ETV6: variants seen among roughly 807,000 people sequenced by gnomAD.
ETV6 encodes ETS variant transcription factor 6.
Under a neutral mutation model 51.1 loss-of-function variants are expected in ETV6, and 16 were observed. The ratio of observed to expected loss-of-function variants is 0.31; its 90% confidence interval spans 0.21 to 0.48. The LOEUF (loss-of-function observed/expected upper bound fraction) is 0.48. Ranked by LOEUF, ETV6 falls within the 20% of genes least tolerant of loss-of-function variation. The pLI is 0.99. For synonymous variants in ETV6, 240 were observed against 224.1 expected (o/e 1.07, Z -0.64); for missense variants, 458 against 594.8 (o/e 0.77, Z 2.39).
At chr12:11,885,644 G>T (rs184813850) in intron 6 of ETV6, among the ~76,000 whole-genome samples, 2 of 152,224 alleles carry the variant, frequency 1.3e-5, no homozygotes, top group South Asian at 2.1e-4. Context: ...GGAAATAAGC[G>T]AGGCTGCTAT....
chr12:11,869,428 C>T lies in ETV6; in HGVS notation c.468C>T (p.Asn156=). ...VILHQNHEED[N]CVQRTPRPSV... is the part of the protein sequence containing the mutation. ...GTCTTTCCCTCTGCTCCACAGATAA[C>T]TGTGTCCAGAGGACCCCCAGGCCAT... The change falls in exon 5 of 8, where the codon AAC becomes AAT. Residue 156 remains asparagine (N), a synonymous_variant. Coordinates refer to ENST00000396373, the MANE Select transcript of ETV6 (RefSeq NM_001987.5). The surrounding 1 kb of genome is among the most constrained non-coding windows in gnomAD (Gnocchi z 5.0). The T allele has an allele frequency of 6.2e-7, 1 of 1,605,828 alleles. No individual in the cohort carries two copies. Among genetic ancestry groups the T allele is most frequent in the Non-Finnish European group, 8.5e-7 (1 of 1,175,392 alleles).
At chr12:11,754,745 C>T (rs531029400) in intron 2 of ETV6, among the ~76,000 whole-genome samples, 9 of 152,306 alleles carry the variant, frequency 5.9e-5, no homozygotes, top group African/African-American at 1.2e-4. Flanking sequence ...CTTATTGAGC[C>T]GTGTCTGTGC....
At chr12:11,794,801 G>A (rs935765333) in intron 2 of ETV6, among the ~76,000 whole-genome samples, 3 of 152,180 alleles carry the variant, frequency 2.0e-5, no homozygotes, top group African/African-American at 7.2e-5. Context: ...ATCATTCCAT[G>A]CAGACATCAA....
At chr12:11,833,082 AT>A (rs1946267154) in intron 2 of ETV6, among the ~76,000 whole-genome samples, 1 of 152,252 alleles carries the variant, frequency 6.6e-6, no homozygotes, top group South Asian at 2.1e-4. Context: ...ATCAATTAAT[AT>A]ACATTCTTAC....
At chr12:11,884,006 C>T (rs1947147589) in intron 5 of ETV6, among the ~76,000 whole-genome samples, 1 of 152,186 alleles carries the variant, frequency 6.6e-6, no homozygotes. Context: ...CCTTTTCACT[C>T]CACTATTTTT....
intron 2 of ETV6, chr12:11,769,021 G>A (rs1945203381): frequency 6.7e-6 from 3 of 447,126 alleles, no homozygotes; most frequent in Admixed American, 2.5e-5. Context: ...AGATAAGCAA[G>A]GAAGGAACTC....
At chr12:11,872,494 C>CTTTTTTTTTTTTTTTTTTTTTTTTT (rs10528272) in intron 5 of ETV6, among the ~76,000 whole-genome samples, 1 of 142,652 alleles carries the variant, frequency 7.0e-6, no homozygotes, top group Non-Finnish European at 1.5e-5. Flanking sequence ...AATTATATTA[C>CTTTTTTTTTTTTTTTTTTTTTTTTT]TTTTTTTTTT....
chr12:11,659,768 C>G (rs7308701), intron 1 of ETV6, among the ~76,000 whole-genome samples: 3,508 of 152,254 alleles, frequency 0.023, 139 homozygotes, highest in African/African-American at 0.079. Context: ...AGTACTTTCT[C>G]TTGTTTCCCT....
At chr12:11,703,947 A>G (rs2120850423) in intron 1 of ETV6, among the ~76,000 whole-genome samples, 1 of 152,344 alleles carries the variant, frequency 6.6e-6, no homozygotes. Flanking sequence ...TATTTCTAAT[A>G]TTTTGAAAAT....
At chr12:11,715,943 G>A (rs1202254467) in intron 1 of ETV6, among the ~76,000 whole-genome samples, 2 of 152,190 alleles carry the variant, frequency 1.3e-5, no homozygotes, top group South Asian at 2.1e-4. Context: ...GCCAAGAGAA[G>A]AACAGCGTCT....
chr12:11,849,001 A>G (rs1391524260), intron 3 of ETV6, among the ~76,000 whole-genome samples: 1 of 152,222 alleles, frequency 6.6e-6, no homozygotes, highest in African/African-American at 2.4e-5. Flanking sequence ...AATTTCAGCC[A>G]TTAGCTAAGT....
In ETV6 at chr12:11,892,330, G is replaced by T. The variant is rs1062298; in HGVS notation, c.*1284G>T. 90,092 of 230,474 alleles carry T rather than the reference G, an allele frequency of 0.39. 19,052 individuals are homozygous for T. The highest frequency in any genetic ancestry group is 0.51 in the Admixed American group (9,049 of 17,622). The allele number at this position is 230,474 out of a possible 1,614,324, so 14.3% of individuals were successfully genotyped here. A position where few individuals can be genotyped will look rare whatever the true frequency, so the allele number is the denominator to read the frequency against. On this transcript the variant is annotated 3_prime_UTR_variant, in exon 8 of 8. Coordinates refer to ENST00000396373, the MANE Select transcript of ETV6 (RefSeq NM_001987.5). ...GGGCAGTCTCAGTTGCAATCAGTGTGTGCCCAGCCTGGGCAGACAGGAAAT... is the reference window on the plus strand; with the variant it reads ...GGGCAGTCTCAGTTGCAATCAGTGTTTGCCCAGCCTGGGCAGACAGGAAAT...
intron 1 of ETV6, among the ~76,000 whole-genome samples, chr12:11,714,594 A>G (rs755085207): frequency 3.3e-5 from 5 of 151,256 alleles, no homozygotes; most frequent in Non-Finnish European, 7.4e-5. Context: ...AAAAAGCACA[A>G]CTTATAGTCC....
At chr12:11,769,553 A>G (rs1433010331) in intron 2 of ETV6, among the ~76,000 whole-genome samples, 2 of 152,190 alleles carry the variant, frequency 1.3e-5, no homozygotes, top group Non-Finnish European at 2.9e-5. Flanking sequence ...AGTTCATAGT[A>G]AGGGGAGAAA....
chr12:11,817,263 T>C (rs1946007139), intron 2 of ETV6, among the ~76,000 whole-genome samples: 2 of 152,228 alleles, frequency 1.3e-5, no homozygotes, highest in South Asian at 4.1e-4. Context: ...TCTCAATTTA[T>C]GCTTTTGCCC....
intron 1 of ETV6, among the ~76,000 whole-genome samples, chr12:11,661,245 G>C (rs1453713091): frequency 4.6e-5 from 7 of 152,218 alleles, no homozygotes; most frequent in South Asian, 2.1e-4. Flanking sequence ...CTCCCACCTC[G>C]GCCTCCCAAA....
chr12:11,734,651 C>T (rs1865668814), intron 1 of ETV6, among the ~76,000 whole-genome samples: 2 of 151,952 alleles, frequency 1.3e-5, no homozygotes, highest in African/African-American at 4.8e-5. Flanking sequence ...TTTTTATGCT[C>T]CAGGCACTAT....
intron 2 of ETV6, among the ~76,000 whole-genome samples, chr12:11,794,947 T>A (rs1159939200): frequency 6.6e-6 from 1 of 152,228 alleles, no homozygotes; most frequent in East Asian, 1.9e-4. Flanking sequence ...TTACATGTCT[T>A]GTTTTGTGAC....
At chr12:11,774,210 C>A (rs555464092) in intron 2 of ETV6, among the ~76,000 whole-genome samples, 2 of 152,090 alleles carry the variant, frequency 1.3e-5, no homozygotes, top group African/African-American at 4.8e-5. Context: ...GAAAGGAGGG[C>A]GAGTTGAGAA....
Sources: gnomAD v4.1 joint callset for allele counts (sites outside exome capture counted in the v4.1 genomes callset) on GRCh38, gnomAD v4.1.1 for gene constraint, Gnocchi (gnomAD v3.1) non-coding constraint, MANE v1.5 for transcripts, NCBI Gene and HGNC (gene_info 2026-07-23, HGNC 2026-07-21) for gene names.